Variants in SMARCC1 observed in about 807,000 individuals in gnomAD.
The protein encoded by SMARCC1 is SWI/SNF related BAF chromatin remodeling complex subunit C1.
In SMARCC1, 43 loss-of-function variants were observed where a neutral mutation model predicts 147.4. The observed-to-expected ratio is 0.29, with a 90% CI of 0.23 to 0.38. The LOEUF (loss-of-function observed/expected upper bound fraction) is 0.38, where lower values mean the gene tolerates loss of function less well. SMARCC1 is among the 10% of genes least tolerant of loss of function. The pLI is 1.00. For missense variants in SMARCC1, 1,119 were observed against 1,381.1 expected, an observed-to-expected ratio of 0.81 and a Z score of 3.01; for synonymous variants, 495 against 484.4, an observed-to-expected ratio of 1.02 and a Z score of -0.29.
intron 2 of SMARCC1, among the ~76,000 whole-genome samples, chr3:47,762,603 G>C (rs1420096241): frequency 6.6e-6 from 1 of 152,192 alleles, no homozygotes. Flanking sequence ...ACCAAATCAC[G>C]TAACAATTGA....
chr3:47,738,210 A>G (rs1260397348), intron 3 of SMARCC1, 100 bp from the exon 4 acceptor site: 14 of 693,698 alleles, frequency 2.0e-5, no homozygotes, highest in Non-Finnish European at 3.4e-5. Flanking sequence ...AAAGATTTGA[A>G]AATTAAAATA....
chr3:47,781,387 G>C (rs5016900), intron 1 of SMARCC1, among the ~76,000 whole-genome samples: 26,102 of 152,194 alleles, frequency 0.17, 2,779 homozygotes, highest in South Asian at 0.25. Flanking sequence ...TTTCACCATG[G>C]GTGCGTAGGC....
intron 8 of SMARCC1, among the ~76,000 whole-genome samples, chr3:47,714,055 C>A (rs1381973295): frequency 6.6e-6 from 1 of 152,196 alleles, no homozygotes; most frequent in African/African-American, 2.4e-5. Context: ...CTGAGAAGAG[C>A]TATTAGATTA....
At chr3:47,672,959 T>G (rs1362247428) in intron 18 of SMARCC1, among the ~76,000 whole-genome samples, 1 of 151,860 alleles carries the variant, frequency 6.6e-6, no homozygotes, top group African/African-American at 2.4e-5. Context: ...CAGTATTTTT[T>G]TTTTTAGTAG....
At chr3:47,590,893 G>A (rs1237193008) in intron 26 of SMARCC1, 56 bp from the exon 27 acceptor site, 2 of 1,457,700 alleles carry the variant, frequency 1.4e-6, no homozygotes, top group South Asian at 2.5e-5. Flanking sequence ...GTAAGAAAGG[G>A]ATCAACTTAA....
Position 47,693,258 on chromosome 3 carries a change from C to T in SMARCC1, c.1208G>A (p.Gly403Glu). Residue 403 changes from glycine to glutamate, a missense_variant, in exon 12 of 28, where the codon GGA becomes GAA. Around this residue, in one of 6 missense-constraint regions of SMARCC1, gnomAD observed 542 missense variants for 611.8 expected, o/e 0.89. Coordinates refer to ENST00000254480, the MANE Select transcript of SMARCC1 (RefSeq NM_003074.4). ...GTGCTTACCTAGATCCGCTACAGTT[C>T]CTCCTTTAACAGGTGTATTTTCACT... ...KDSENTPVKG[G>E]TVADLDEQDE... 1 of 1,589,700 alleles carries T rather than the reference C, an allele frequency of 6.3e-7. No homozygotes were observed. Among genetic ancestry groups the T allele is most frequent in the Non-Finnish European group, 8.6e-7 (1 of 1,158,012 alleles).
Position 47,590,751 on chromosome 3 carries a change from A to G in SMARCC1, c.3130T>C (p.Ser1044Pro). 1.2e-6 allele frequency: 2 copies of G among 1,603,828 alleles called. No individual in the cohort carries two copies. The highest frequency in any genetic ancestry group is 3.5e-5 in the Admixed American group (2 of 57,890). ...CCAGGAGGGGTAGGGCCACTCCCAG[A>G]GGGGTGGATGTTGGCTGCAACAGTG... is the stretch of plus-strand genomic sequence containing the variant. ...IPTVAANIHP[S>P]GSGPTPPGMP... The change falls in exon 27 of 28, where the codon TCT becomes CCT. Residue 1044 changes from serine to proline, a missense_variant. This residue lies in a region of SMARCC1 where 186 missense variants were observed against 216.5 expected (regional missense o/e 0.86). Transcript: ENST00000254480.
At chr3:47,639,124 T>C (rs2106707177) in intron 21 of SMARCC1, among the ~76,000 whole-genome samples, 1 of 152,282 alleles carries the variant, frequency 6.6e-6, no homozygotes, top group South Asian at 2.1e-4. Context: ...AACTAGGCTG[T>C]CTGCTTAGGA....
chr3:47,621,447 C>G (rs1424323977), intron 25 of SMARCC1, among the ~76,000 whole-genome samples: 1 of 151,998 alleles, frequency 6.6e-6, no homozygotes. Flanking sequence ...AAATGTGGTA[C>G]ATATATACTA....
intron 11 of SMARCC1, 96 bp downstream of exon 11, chr3:47,701,182 G>A (rs1330021545): frequency 4.0e-6 from 4 of 997,332 alleles, no homozygotes; most frequent in Non-Finnish European, 4.5e-6. Flanking sequence ...CTTGAAAGTC[G>A]AGAACTGTGG....
intron 3 of SMARCC1, among the ~76,000 whole-genome samples, chr3:47,741,366 T>A (rs1401198468): frequency 2.9e-5 from 1 of 34,544 alleles, no homozygotes; most frequent in Non-Finnish European, 1.0e-4. Flanking sequence ...AACGATTTAA[T>A]ATTAAAAATT....
chr3:47,694,818 T>C (rs1403460867), intron 11 of SMARCC1, among the ~76,000 whole-genome samples: 1 of 152,218 alleles, frequency 6.6e-6, no homozygotes, highest in Non-Finnish European at 1.5e-5. Flanking sequence ...TTCTTGGCCA[T>C]GTATTTATTT....
At chr3:47,767,043 C>T (rs1444670131) in intron 2 of SMARCC1, among the ~76,000 whole-genome samples, 2 of 151,622 alleles carry the variant, frequency 1.3e-5, no homozygotes, top group African/African-American at 4.8e-5. Flanking sequence ...ATTAGCCGGG[C>T]GTGGTGGCGG....
At chr3:47,726,287 GC>G (rs2034299853) in intron 6 of SMARCC1, among the ~76,000 whole-genome samples, 1 of 151,310 alleles carries the variant, frequency 6.6e-6, no homozygotes. Flanking sequence ...AGAGAACATG[GC>G]CCAGTCAGGA....
At chr3:47,623,049 T>C (rs1018655504) in intron 24 of SMARCC1, among the ~76,000 whole-genome samples, 3 of 151,800 alleles carry the variant, frequency 2.0e-5, no homozygotes, top group East Asian at 1.9e-4. Context: ...ATCCAAGAAC[T>C]TTCCCAGCAA....
At chr3:47,600,545 G>A (rs1410288895) in intron 26 of SMARCC1, among the ~76,000 whole-genome samples, 3 of 152,118 alleles carry the variant, frequency 2.0e-5, no homozygotes, top group Admixed American at 1.3e-4. Context: ...GTAATTTGGC[G>A]CAAAGTCACA....
chr3:47,685,641 C>T (rs544678901), intron 14 of SMARCC1, among the ~76,000 whole-genome samples: 7 of 151,362 alleles, frequency 4.6e-5, no homozygotes, highest in Admixed American at 2.0e-4. Flanking sequence ...AGGTGGATCA[C>T]GAGGTCAGGA....
intron 3 of SMARCC1, among the ~76,000 whole-genome samples, chr3:47,742,901 T>G (rs978895111): frequency 1.3e-5 from 2 of 152,172 alleles, no homozygotes; most frequent in African/African-American, 2.4e-5. Flanking sequence ...AATATTAATC[T>G]GTACAGTCTC....
At chr3:47,605,548 G>T (rs1021433649) in intron 26 of SMARCC1, among the ~76,000 whole-genome samples, 6 of 152,158 alleles carry the variant, frequency 3.9e-5, no homozygotes, top group African/African-American at 1.4e-4. Context: ...GAGGCGGGAG[G>T]ACTACTTAAG....
Sources: allele counts gnomAD v4.1 joint callset (sites outside exome capture counted in the v4.1 genomes callset), GRCh38; gene constraint gnomAD v4.1.1; regional missense constraint gnomAD v4.1.1; transcripts MANE v1.5; gene names NCBI Gene and HGNC (gene_info 2026-07-23, HGNC 2026-07-21).